The following RPS6KA5 variants were observed in gnomAD, a reference collection of about 807,000 sequenced individuals.
RPS6KA5 encodes the protein ribosomal protein S6 kinase alpha-5.
A neutral mutation model predicts 85.5 loss-of-function variants in RPS6KA5; 27 were observed. The observed-to-expected ratio is 0.32, with a 90% CI of 0.23 to 0.44. The LOEUF (loss-of-function observed/expected upper bound fraction) is 0.44. Among genes scored for constraint, RPS6KA5 ranks in the 20% least tolerant of loss-of-function variants. The pLI is 1.00. For missense variants in RPS6KA5, 811 were observed against 980.9 expected, an observed-to-expected ratio of 0.83 and a Z score of 2.31; for synonymous variants, 334 against 348.2, an observed-to-expected ratio of 0.96 and a Z score of 0.46.
At chr14:91,039,885 C>T (rs1188612000) in intron 1 of RPS6KA5, among the ~76,000 whole-genome samples, 1 of 152,142 alleles carries the variant, frequency 6.6e-6, no homozygotes, top group African/African-American at 2.4e-5. Context: ...AGGCCTGACA[C>T]ATAAAGCTAA....
chr14:90,906,391 TGAAA>T (rs1350722188), intron 7 of RPS6KA5, 92 bp from the exon 8 acceptor site: 17 of 1,001,112 alleles, frequency 1.7e-5, no homozygotes, highest in Admixed American at 2.4e-5. Flanking sequence ...GAACCACATG[TGAAA>T]GAGAGATATA....
rs986859943 is a variant in RPS6KA5 at position 90,848,193 on chromosome 14, A to G, written c.*23881T>C. On this transcript the variant is annotated 3_prime_UTR_variant, in exon 17 of 17. Coordinates refer to ENST00000614987, the MANE Select transcript of RPS6KA5 (RefSeq NM_004755.4). ...AGCTATAGAATTCTGAAAATTCTCA[A>G]TAAATAGTTACTAGTATAAAAATGC... 2 of 152,240 alleles carry G rather than the reference A, an allele frequency of 1.3e-5. No homozygotes were observed. The highest frequency in any genetic ancestry group is 4.8e-5 in the African/African-American group (2 of 41,470). 9.4% of individuals were successfully genotyped at this position (152,240 alleles called of 1,614,324 possible).
At chr14:90,899,469 T>G in intron 11 of RPS6KA5, 47 bp from the exon 12 acceptor site, 1 of 1,293,408 alleles carries the variant, frequency 7.7e-7, no homozygotes, top group Non-Finnish European at 1.1e-6. Context: ...CAAGAAAGTT[T>G]TTATATCAGT....
intron 7 of RPS6KA5, among the ~76,000 whole-genome samples, chr14:90,909,713 A>C (rs2035696078): frequency 6.6e-6 from 1 of 152,246 alleles, no homozygotes; most frequent in South Asian, 2.1e-4. Context: ...AGGTGCTAGC[A>C]AATAAATTAA....
chr14:90,904,017 G>A (rs1399372839), intron 8 of RPS6KA5, among the ~76,000 whole-genome samples: 1 of 151,844 alleles, frequency 6.6e-6, no homozygotes, highest in Non-Finnish European at 1.5e-5. Context: ...CGCGATCTCG[G>A]CTCACTACTA....
chr14:90,897,501 A>G (rs2034904857), intron 12 of RPS6KA5, among the ~76,000 whole-genome samples: 1 of 152,228 alleles, frequency 6.6e-6, no homozygotes, highest in Non-Finnish European at 1.5e-5. Flanking sequence ...AATTTCACCC[A>G]TTAGTTGAAG....
intron 14 of RPS6KA5, among the ~76,000 whole-genome samples, chr14:90,888,596 G>T (rs2034373626): frequency 6.6e-6 from 1 of 152,146 alleles, no homozygotes; most frequent in Admixed American, 6.5e-5. Context: ...GAACCATCCT[G>T]CAGGGACAAC....
chr14:90,886,383 C>T (rs1011299762), intron 14 of RPS6KA5, among the ~76,000 whole-genome samples: 11 of 152,078 alleles, frequency 7.2e-5, no homozygotes, highest in Admixed American at 6.5e-5. Flanking sequence ...TACTGTGTAC[C>T]GTGGACTGAA....
intron 8 of RPS6KA5, among the ~76,000 whole-genome samples, chr14:90,905,444 G>A (rs1039710805): frequency 5.3e-5 from 8 of 152,292 alleles, no homozygotes; most frequent in Middle Eastern, 3.4e-3. Flanking sequence ...AATCAAAGCC[G>A]TGGCATCCCC....
At chr14:90,904,887 G>A (rs1046237154) in intron 8 of RPS6KA5, among the ~76,000 whole-genome samples, 9 of 152,020 alleles carry the variant, frequency 5.9e-5, no homozygotes, top group Admixed American at 2.0e-4. Flanking sequence ...CAAATAGAGG[G>A]AGCAATGGAG....
At chr14:90,973,376 G>A (rs2039411333) in intron 3 of RPS6KA5, among the ~76,000 whole-genome samples, 1 of 150,900 alleles carries the variant, frequency 6.6e-6, no homozygotes, top group Non-Finnish European at 1.5e-5. Flanking sequence ...CCAGGAGGCA[G>A]AGGTTGCAGT....
At chr14:90,978,887 A>G (rs2039678457) in intron 2 of RPS6KA5, among the ~76,000 whole-genome samples, 1 of 152,144 alleles carries the variant, frequency 6.6e-6, no homozygotes. Flanking sequence ...ACTTCTAGAT[A>G]TATATATATT....
chr14:91,019,618 A>G (rs1224904214), intron 1 of RPS6KA5, among the ~76,000 whole-genome samples: 1 of 152,060 alleles, frequency 6.6e-6, no homozygotes, highest in African/African-American at 2.4e-5. Flanking sequence ...ATAGTCCTTT[A>G]CTTACAATGA....
At chr14:91,024,530 T>G (rs1369370669) in intron 1 of RPS6KA5, among the ~76,000 whole-genome samples, 1 of 152,270 alleles carries the variant, frequency 6.6e-6, no homozygotes, top group African/African-American at 2.4e-5. Context: ...ACTAACAGTT[T>G]AGTGAGGTTC....
chr14:90,961,963 C>A (rs2038820041), intron 3 of RPS6KA5, among the ~76,000 whole-genome samples: 4 of 152,120 alleles, frequency 2.6e-5, no homozygotes, highest in Admixed American at 2.0e-4. Flanking sequence ...TGGTTCTTGC[C>A]AGAGATTAGA....
intron 3 of RPS6KA5, among the ~76,000 whole-genome samples, chr14:90,957,316 T>C (rs2038575484): frequency 1.3e-5 from 2 of 152,200 alleles, no homozygotes; most frequent in African/African-American, 4.8e-5. Flanking sequence ...CTGCCTCCCA[T>C]GGCCTCCCAA....
At chr14:90,950,403 T>C in intron 3 of RPS6KA5, among the ~76,000 whole-genome samples, 1 of 152,200 alleles carries the variant, frequency 6.6e-6, no homozygotes, top group Non-Finnish European at 1.5e-5. Context: ...TCTGAAGGCC[T>C]TTTGTTCCTT....
intron 14 of RPS6KA5, among the ~76,000 whole-genome samples, chr14:90,883,597 C>G (rs1455823855): frequency 3.3e-5 from 5 of 152,026 alleles, no homozygotes; most frequent in Non-Finnish European, 7.4e-5. Flanking sequence ...TGTTTTAAGT[C>G]TTTGTCTAGG....
At chr14:91,050,140 G>C (rs576722177) in intron 1 of RPS6KA5, among the ~76,000 whole-genome samples, 189 of 152,252 alleles carry the variant, frequency 1.2e-3, no homozygotes, top group African/African-American at 4.4e-3. Context: ...CACTTTGGGA[G>C]GCTGAGGCAG....
Sources: gnomAD v4.1 joint callset for allele counts (sites outside exome capture counted in the v4.1 genomes callset) on GRCh38, gnomAD v4.1.1 for gene constraint, MANE v1.5 for transcripts, NCBI Gene and HGNC (gene_info 2026-07-23, HGNC 2026-07-21) for gene names.